The following LINGO2 variants were observed in gnomAD, a reference collection of about 807,000 sequenced individuals.
LINGO2 encodes leucine-rich repeat and immunoglobulin-like domain-containing nogo receptor-interacting protein 2.
A neutral mutation model predicts 30.6 loss-of-function variants in LINGO2; 14 were observed. The observed-to-expected ratio is 0.46, with a 90% CI of 0.30 to 0.72. LINGO2 has a LOEUF of 0.72. Ranked by LOEUF, LINGO2 falls within the 30% of genes least tolerant of loss-of-function variation. LINGO2 has a pLI of 0.07. For synonymous variants in LINGO2, 317 were observed against 288.5 expected, an observed-to-expected ratio of 1.10 and a Z score of -1.00; for missense variants, 729 against 751.7, an observed-to-expected ratio of 0.97 and a Z score of 0.35.
intron 4 of LINGO2, among the ~76,000 whole-genome samples, chr9:28,255,747 A>C (rs1401501566): frequency 2.0e-5 from 3 of 152,054 alleles, no homozygotes; most frequent in Admixed American, 6.6e-5. Context: ...TAACTTTGCA[A>C]TTCTATTTCC....
chr9:28,526,379 C>T (rs983580260), intron 1 of LINGO2, among the ~76,000 whole-genome samples: 1 of 152,190 alleles, frequency 6.6e-6, no homozygotes, highest in African/African-American at 2.4e-5. Flanking sequence ...AAGAGCAAAG[C>T]AGCATCTACA....
the LINGO2 span, among the ~76,000 whole-genome samples, chr9:28,801,670 G>A: frequency 1.3e-5 from 2 of 152,002 alleles, no homozygotes; most frequent in African/African-American, 4.8e-5. Context: ...CCTTCCAGGT[G>A]GAAGCTATGT....
the LINGO2 span, among the ~76,000 whole-genome samples, chr9:28,895,439 G>A: frequency 6.6e-6 from 1 of 152,052 alleles, no homozygotes; most frequent in Non-Finnish European, 1.5e-5. Flanking sequence ...TACTTCTTGA[G>A]GGACATCTGT....
chr9:28,653,549 C>A (rs560803132), intron 1 of LINGO2, among the ~76,000 whole-genome samples: 13 of 152,216 alleles, frequency 8.5e-5, no homozygotes, highest in Admixed American at 8.5e-4. Flanking sequence ...CCAGTACCAT[C>A]CTGGTTCTAT....
intron 4 of LINGO2, among the ~76,000 whole-genome samples, chr9:28,277,840 A>AAC: frequency 7.6e-6 from 1 of 131,590 alleles, no homozygotes. Context: ...AACAAAACAA[A>AAC]AAAAAAAAAC....
rs200586784 is a variant in LINGO2 at position 28,189,717 on chromosome 9, A to AGGG, written c.-87+105490_-87+105491insCCC. ...GAAGGGAGGGAGGAAGGAAGGAAGG[A>AGGG]AGGAAGGTTGGTTCAAAAGATGATG... On this transcript the variant is annotated intron_variant, in intron 4 of 5. Coordinates refer to ENST00000379992, the Ensembl canonical transcript of LINGO2. Among the ~76,000 whole-genome samples the AGGG allele has an allele frequency of 2.6e-3, 335 of 126,952 alleles. 11 individuals are homozygous for AGGG. Among genetic ancestry groups the AGGG allele is most frequent in the African/African-American group, 0.011 (315 of 28,884 alleles). The allele number at this position is 126,952 out of a possible 152,430, so 83.3% of individuals were successfully genotyped here. A position where few individuals can be genotyped will look rare whatever the true frequency, so the allele number is the denominator to read the frequency against.
chr9:29,006,359 G>T, the LINGO2 span, among the ~76,000 whole-genome samples: 1 of 151,756 alleles, frequency 6.6e-6, no homozygotes, highest in African/African-American at 2.4e-5. Flanking sequence ...ATAAATTCTT[G>T]TTATTATTTT....
intron 2 of LINGO2, among the ~76,000 whole-genome samples, chr9:28,445,943 C>T (rs771026417): frequency 1.3e-5 from 2 of 152,134 alleles, no homozygotes; most frequent in South Asian, 4.1e-4. Flanking sequence ...TCTACCTGAC[C>T]TCACATATAA....
the LINGO2 span, among the ~76,000 whole-genome samples, chr9:28,807,276 G>C: frequency 6.6e-6 from 1 of 152,012 alleles, no homozygotes; most frequent in Non-Finnish European, 1.5e-5. Flanking sequence ...GCCAGCCTCG[G>C]CCTCCCAAAA....
the LINGO2 span, among the ~76,000 whole-genome samples, chr9:29,040,456 T>C: frequency 2.0e-5 from 3 of 151,958 alleles, no homozygotes; most frequent in African/African-American, 2.4e-5. Flanking sequence ...TACAGCATAA[T>C]AGTATACTAT....
chr9:28,626,931 A>G (rs1826708417), intron 1 of LINGO2, among the ~76,000 whole-genome samples: 1 of 151,968 alleles, frequency 6.6e-6, no homozygotes, highest in Admixed American at 6.6e-5. Flanking sequence ...TTGTTTGCTA[A>G]TCTAATAATA....
At chr9:28,929,769 A>T in the LINGO2 span, among the ~76,000 whole-genome samples, 1 of 152,190 alleles carries the variant, frequency 6.6e-6, no homozygotes, top group Non-Finnish European at 1.5e-5. Context: ...TAGCTTGTGG[A>T]AATATAAATA....
chr9:28,906,154 G>A, the LINGO2 span, among the ~76,000 whole-genome samples: 1 of 151,894 alleles, frequency 6.6e-6, no homozygotes, highest in South Asian at 2.1e-4. Context: ...GGCTCTAGGT[G>A]GCAGGCTGGG....
At chr9:28,729,532 A>G in the LINGO2 span, among the ~76,000 whole-genome samples, 1 of 152,088 alleles carries the variant, frequency 6.6e-6, no homozygotes, top group Admixed American at 6.6e-5. Context: ...TCCATGAATC[A>G]TTCATCAAAT....
the LINGO2 span, among the ~76,000 whole-genome samples, chr9:29,121,621 G>C: frequency 6.6e-6 from 1 of 152,092 alleles, no homozygotes; most frequent in African/African-American, 2.4e-5. Context: ...ATAGCAAAGG[G>C]ATAATATAAA....
chr9:28,719,579 G>C, the LINGO2 span, among the ~76,000 whole-genome samples: 1 of 151,878 alleles, frequency 6.6e-6, no homozygotes, highest in Non-Finnish European at 1.5e-5. Flanking sequence ...CTTCTCATTT[G>C]ACCCTATCTT....
At chr9:28,183,897 A>T (rs1207315428) in intron 4 of LINGO2, among the ~76,000 whole-genome samples, 6 of 152,190 alleles carry the variant, frequency 3.9e-5, no homozygotes, top group Non-Finnish European at 8.8e-5. Context: ...AAGATTGAAA[A>T]ATTCATATGT....
the LINGO2 span, among the ~76,000 whole-genome samples, chr9:28,841,309 C>T: frequency 0.79 from 119,587 of 151,528 alleles, 47,410 homozygotes; most frequent in East Asian, 0.89. Flanking sequence ...ATTTGAAAAG[C>T]GGATGAACAA....
intron 1 of LINGO2, among the ~76,000 whole-genome samples, chr9:28,652,566 A>T (rs1164398927): frequency 6.6e-6 from 1 of 152,072 alleles, no homozygotes; most frequent in African/African-American, 2.4e-5. Flanking sequence ...TTCCCAAATG[A>T]TGAAGGGAGA....
Sources: allele counts gnomAD v4.1 joint callset (sites outside exome capture counted in the v4.1 genomes callset), GRCh38; gene constraint gnomAD v4.1.1; transcripts MANE v1.5; gene names NCBI Gene and HGNC (gene_info 2026-07-23, HGNC 2026-07-21).